Variants in KCTD9 observed in about 807,000 individuals in gnomAD.
KCTD9 encodes BTB/POZ domain-containing protein KCTD9.
Under a neutral mutation model 53.3 loss-of-function variants are expected in KCTD9, and 17 were observed. The observed-to-expected ratio is 0.32, with a 90% CI of 0.22 to 0.48. KCTD9 has a LOEUF of 0.48. Among genes scored for constraint, KCTD9 ranks in the 20% least tolerant of loss-of-function variants. The pLI, the probability that KCTD9 is intolerant of heterozygous loss-of-function variation, is 0.99. For missense variants in KCTD9, 179 were observed against 465.5 expected (o/e 0.38, Z 5.66); for synonymous variants, 128 against 162.7 (o/e 0.79, Z 1.62).
intron 1 of KCTD9, chr8:25,450,376 T>C (rs1270948944): frequency 2.0e-6 from 2 of 985,060 alleles, no homozygotes; most frequent in Non-Finnish European, 2.4e-6. Flanking sequence ...AAATGGTACA[T>C]TACCTGGCTT....
Position 25,438,465 on chromosome 8 carries a change from A to C in KCTD9, c.499+814T>G, listed in dbSNP as rs570864378. ...GTTCAGCATGTAATGTTTTCAAAAC[A>C]AAAACATGTCACATAAAATTTTAGA... On this transcript the variant is annotated intron_variant, in intron 6 of 11. Transcript: ENST00000221200. Among the ~76,000 whole-genome samples the C allele has an allele frequency of 1.6e-4, 24 of 152,374 alleles. 1 individual carries two copies. Among genetic ancestry groups the C allele is most frequent in the African/African-American group, 5.3e-4 (22 of 41,590 alleles).
At chr8:25,457,216 C>G in intron 1 of KCTD9, 1 of 252,496 alleles carries the variant, frequency 4.0e-6, no homozygotes, top group Non-Finnish European at 6.3e-6. Context: ...GACAATTTCA[C>G]TATTTAAAAA....
At chr8:25,456,876 G>T (rs1506873) in intron 1 of KCTD9, among the ~76,000 whole-genome samples, 60,493 of 151,980 alleles carry the variant, frequency 0.4, 12,373 homozygotes, top group African/African-American at 0.5. Context: ...CCAGAAGTTT[G>T]TTTTTGAGAA....
intron 11 of KCTD9, 67 bp from the exon 12 acceptor site, chr8:25,430,040 A>G (rs965130): frequency 0.61 from 542,933 of 888,226 alleles, 169,780 homozygotes; most frequent in East Asian, 0.64. Flanking sequence ...TTTCTGCTCA[A>G]AATGATTTCT....
chr8:25,439,568 A>C, intron 5 of KCTD9, 38 bp downstream of exon 5: 1 of 1,607,360 alleles, frequency 6.2e-7, no homozygotes, highest in Non-Finnish European at 8.5e-7. Flanking sequence ...GATATAAAAC[A>C]GGTAAGATGA....
rs1802015932 is a variant in KCTD9 at position 25,436,223 on chromosome 8, C to T, written c.663+12G>A. The T allele has an allele frequency of 1.3e-6, 2 of 1,492,868 alleles. No homozygotes were observed. Among genetic ancestry groups the T allele is most frequent in the Admixed American group, 1.7e-5 (1 of 59,686 alleles). 92.5% of individuals were successfully genotyped at this position (1,492,868 alleles called of 1,614,324 possible). ...CTGATAGAAATAATTGATGTAAAAG[C>T]CTGCTAATTACCTGGCATCGCAGTT... On this transcript the variant is annotated intron_variant, in intron 8 of 11. Transcript: ENST00000221200.
chr8:25,437,959 T>C (rs897853242), intron 6 of KCTD9, among the ~76,000 whole-genome samples: 8 of 149,158 alleles, frequency 5.4e-5, no homozygotes, highest in Non-Finnish European at 1.0e-4. Flanking sequence ...TTAAAGCATA[T>C]AATTACTTGG....
At chr8:25,454,085 C>G (rs553850272) in intron 1 of KCTD9, among the ~76,000 whole-genome samples, 2 of 152,160 alleles carry the variant, frequency 1.3e-5, no homozygotes, top group South Asian at 4.1e-4. Flanking sequence ...TGGGATCTCA[C>G]TATGTTGCCC....
intron 5 of KCTD9, 86 bp downstream of exon 5, chr8:25,439,520 A>G (rs1244705629): frequency 1.3e-6 from 2 of 1,559,536 alleles, no homozygotes; most frequent in Non-Finnish European, 1.7e-6. Flanking sequence ...TGACATAATT[A>G]GTAAGTACAG....
chr8:25,455,053 C>T (rs1023505754), intron 1 of KCTD9, among the ~76,000 whole-genome samples: 3 of 151,806 alleles, frequency 2.0e-5, no homozygotes, highest in African/African-American at 7.3e-5. Flanking sequence ...TGGTGAAAAC[C>T]GTCTCTACTA....
In KCTD9 at chr8:25,435,420, A is replaced by G; in HGVS notation, c.756T>C (p.His252=). 2 of 1,611,876 alleles carry G rather than the reference A, an allele frequency of 1.2e-6. No homozygotes were observed. Among genetic ancestry groups the G allele is most frequent in the African/African-American group, 1.3e-5 (1 of 74,962 alleles). ...MANLSRCNLA[H]ANLCCANLER... Reference sequence around the variant, plus strand: ...CAAGATTTGCACAGCAAAGATTTGCATGTGCAAGATTACAGCGGCTTAAAT... The same window carrying G: ...CAAGATTTGCACAGCAAAGATTTGCGTGTGCAAGATTACAGCGGCTTAAAT... Residue 252 remains histidine, a synonymous_variant, in exon 9 of 12, where the codon CAT becomes CAC. Transcript: ENST00000221200.
At chr8:25,435,301 C>T (rs1354536522) in intron 9 of KCTD9, 62 bp downstream of exon 9, 1 of 1,206,354 alleles carries the variant, frequency 8.3e-7, no homozygotes, top group Non-Finnish European at 1.1e-6. Flanking sequence ...CTCAAAGGCT[C>T]TTTGAGACTG....
chr8:25,451,431 T>G (rs930344532), intron 1 of KCTD9: 1 of 152,198 alleles, frequency 6.6e-6, no homozygotes, highest in African/African-American at 2.4e-5. Context: ...CTGAGCCAAA[T>G]AAATCATAAA....
chr8:25,458,025 T>C (rs1322769161), intron 1 of KCTD9, among the ~76,000 whole-genome samples, 174 bp downstream of exon 1: 2 of 151,388 alleles, frequency 1.3e-5, no homozygotes, highest in Non-Finnish European at 2.9e-5. Context: ...ACGGGGGTCC[T>C]GAGGGTCGGG....
intron 1 of KCTD9, among the ~76,000 whole-genome samples, chr8:25,448,488 A>G (rs370261370): frequency 1.1e-3 from 163 of 152,374 alleles, no homozygotes; most frequent in African/African-American, 3.6e-3. Context: ...GAATGTAAAC[A>G]ATGTCAATGA....
At chr8:25,439,182 G>T in intron 6 of KCTD9, 97 bp downstream of exon 6, 1 of 910,602 alleles carries the variant, frequency 1.1e-6, no homozygotes, top group Non-Finnish European at 1.6e-6. Context: ...TTTACTTTAT[G>T]GAAATATACT....
chr8:25,439,566 AC>A (rs1246101453), intron 5 of KCTD9, 39 bp downstream of exon 5: 2 of 1,607,734 alleles, frequency 1.2e-6, no homozygotes, highest in Non-Finnish European at 1.7e-6. Context: ...CAGATATAAA[AC>A]AGGTAAGATG....
Position 25,439,567 on chromosome 8 carries a change from C to G in KCTD9, c.370+39G>C, listed in dbSNP as rs576022888. ...TTATAAAGTCAGCACAGATATAAAACAGGTAAGATGAAATGTGAAAACAAC... is the reference window on the plus strand; with the variant it reads ...TTATAAAGTCAGCACAGATATAAAAGAGGTAAGATGAAATGTGAAAACAAC... On this transcript the variant is annotated intron_variant, in intron 5 of 11. Transcript: ENST00000221200. 2.0e-4 allele frequency: 328 copies of G among 1,607,484 alleles called. 3 individuals are homozygous for G. In the South Asian group the frequency reaches 3.4e-3, roughly 17 times the overall value.
rs1251518092 is a variant in KCTD9 at position 25,458,416 on chromosome 8, A to G, written c.-170T>C. 12 of 730,502 alleles carry G rather than the reference A, an allele frequency of 1.6e-5. No homozygotes were observed. The highest frequency in any genetic ancestry group is 2.5e-5 in the Non-Finnish European group (11 of 433,094). The allele number at this position is 730,502 out of a possible 1,614,324, so 45.3% of individuals were successfully genotyped here. On this transcript the variant is annotated 5_prime_UTR_variant, in exon 1 of 12. Coordinates refer to ENST00000221200, the MANE Select transcript of KCTD9 (RefSeq NM_017634.4). ...CACGCACGCACTCTGTCCCACACCC[A>G]AGGTTCGGCCGGTCCTCCTTCCCAC...
Sources: gnomAD v4.1 joint callset for allele counts (sites outside exome capture counted in the v4.1 genomes callset) on GRCh38, gnomAD v4.1.1 for gene constraint, MANE v1.5 for transcripts, NCBI Gene and HGNC (gene_info 2026-07-23, HGNC 2026-07-21) for gene names.